PRDM2: variants seen among roughly 807,000 people sequenced by gnomAD.
The protein encoded by PRDM2 is PR/SET domain 2, also known as PR domain zinc finger protein 2.
Under a neutral mutation model 130.0 loss-of-function variants are expected in PRDM2, and 30 were observed. That is an observed-to-expected ratio of 0.23 (90% CI 0.17 to 0.31). The LOEUF (loss-of-function observed/expected upper bound fraction) is 0.31. Among genes scored for constraint, PRDM2 ranks in the 10% least tolerant of loss-of-function variants. PRDM2 has a pLI of 1.00. For synonymous variants in PRDM2, 871 were observed against 782.4 expected (o/e 1.11, Z -1.89); for missense variants, 2,011 against 2,108.4 (o/e 0.95, Z 0.90).
intron 5 of PRDM2, among the ~76,000 whole-genome samples, chr1:13,746,472 C>T (rs1319805051): frequency 5.9e-5 from 9 of 151,646 alleles, no homozygotes; most frequent in South Asian, 2.1e-4. Context: ...TATATCGCTC[C>T]GTAATATAAC....
intron 8 of PRDM2, among the ~76,000 whole-genome samples, chr1:13,797,252 A>G (rs1203636): frequency 0.17 from 25,447 of 152,116 alleles, 2,675 homozygotes; most frequent in Non-Finnish European, 0.22. Context: ...CTAATGGCCA[A>G]TGTTTATGTT....
chr1:13,746,800 G>A lies in PRDM2; in HGVS notation c.385-2561G>A, dbSNP rs1282719453. 3.9e-5 allele frequency among the ~76,000 whole-genome samples: 6 copies of A among 152,206 alleles called. No individual in the cohort carries two copies. In the East Asian group the frequency reaches 5.8e-4, roughly 15 times the overall value. The stretch of plus-strand genomic sequence containing the variant: ...TCAAACTCCTGCGCTCAAGCGATTC[G>A]CCTGCCTTGGCCTCCCAAAGTTCTG... On this transcript the variant is annotated intron_variant, in intron 5 of 9. Transcript: ENST00000311066.
In PRDM2 at chr1:13,741,720, T is replaced by TTGTGTGTGTGTGTGTG. The variant is rs200384633; in HGVS notation, c.232-255_232-240dup. ...GCATGCTGACTATAGCTCTTTAAGT[T>TTGTGTGTGTGTGTGTG]TGTGTGTGTGTGTGTGTGTGTGTGT... On this transcript the variant is annotated intron_variant, in intron 4 of 9. Transcript: ENST00000311066. Among the ~76,000 whole-genome samples, 625 of 112,574 alleles carry TTGTGTGTGTGTGTGTG rather than the reference T, an allele frequency of 5.6e-3. 29 individuals carry two copies. The highest frequency in any genetic ancestry group is 0.017 in the African/African-American group (413 of 24,366). The allele number at this position is 112,574 out of a possible 152,430, so 73.9% of individuals were successfully genotyped here. A position where few individuals can be genotyped will look rare whatever the true frequency, so the allele number is the denominator to read the frequency against.
rs540873142 is a variant in PRDM2, at chr1:13,726,564, G to A, written c.10-4436G>A. Among the ~76,000 whole-genome samples, 6 of 152,338 alleles carry A rather than the reference G, an allele frequency of 3.9e-5. No homozygotes were observed. In the South Asian group the frequency reaches 1.2e-3, roughly 32 times the overall value. On this transcript the variant is annotated intron_variant, in intron 2 of 9. Coordinates refer to ENST00000311066, the MANE Select transcript of PRDM2 (RefSeq NM_001393986.1). ...CTGAATGAAGGAGAGACGCTTTGGC[G>A]ATTAATTGGGGGAAGAGAAGCGGGT...
At chr1:13,787,856 T>C in intron 8 of PRDM2, 1 of 983,512 alleles carries the variant, frequency 1.0e-6, no homozygotes, top group Non-Finnish European at 1.2e-6. Flanking sequence ...AAAGGGGTTG[T>C]CCATTGATTT....
intron 8 of PRDM2, among the ~76,000 whole-genome samples, chr1:13,813,600 C>T (rs1186874475): frequency 1.3e-5 from 2 of 152,212 alleles, no homozygotes; most frequent in Non-Finnish European, 2.9e-5. Flanking sequence ...GTTCTTCCTA[C>T]CTCCTGGGCT....
chr1:13,816,641 G>A (rs1645263394), intron 9 of PRDM2, 71 bp downstream of exon 9: 2 of 1,546,092 alleles, frequency 1.3e-6, no homozygotes, highest in South Asian at 2.3e-5. Flanking sequence ...TGGGTCTTGG[G>A]TGGGGAGGGA....
In PRDM2 at chr1:13,771,449, A is replaced by T. The variant is rs1299282996; in HGVS notation, c.512-1629A>T. Among the ~76,000 whole-genome samples, 1 of 152,240 alleles carries T rather than the reference A, an allele frequency of 6.6e-6. No individual in the cohort carries two copies. The highest frequency in any genetic ancestry group is 3.2e-3 in the Middle Eastern group (1 of 316). ...CTATGGGCTGAAGAATTAGGTATGT[A>T]GGCCGGGCACGGTGGCTCATGCCTG... On this transcript the variant is annotated intron_variant, in intron 6 of 9. Transcript: ENST00000311066. The surrounding 1 kb of genome is among the most constrained non-coding windows in gnomAD (Gnocchi z 4.1).
intron 8 of PRDM2, among the ~76,000 whole-genome samples, chr1:13,801,951 G>A (rs563377067): frequency 1.7e-4 from 26 of 152,302 alleles, no homozygotes; most frequent in Admixed American, 4.6e-4. Context: ...GCAGCCCAGG[G>A]TGGGGCCAGA....
At chr1:13,789,400 C>A (rs1021312450) in intron 8 of PRDM2, among the ~76,000 whole-genome samples, 1 of 152,168 alleles carries the variant, frequency 6.6e-6, no homozygotes. Context: ...GTTGTAGGTG[C>A]TTAGGATACA....
chr1:13,749,837 C>T (rs1427386673), intron 6 of PRDM2, among the ~76,000 whole-genome samples: 1 of 152,114 alleles, frequency 6.6e-6, no homozygotes, highest in African/African-American at 2.4e-5. Context: ...CCGCTGGCAC[C>T]CCAAGCCGCG....
Position 13,816,693 on chromosome 1 carries a change from C to T in PRDM2, c.*23+123C>T, listed in dbSNP as rs531548238. The T allele has an allele frequency of 6.0e-6, 8 of 1,325,796 alleles. No individual in the cohort carries two copies. The East Asian group carries it at 7.5e-5, about 12-fold the overall frequency. The allele number at this position is 1,325,796 out of a possible 1,614,324, so 82.1% of individuals were successfully genotyped here. A position where few individuals can be genotyped will look rare whatever the true frequency, so the allele number is the denominator to read the frequency against. ...GGTGTGATTGCTTGTGTGTACCAGG[C>T]ACGGTGCAGGGCCTCCCTCCAGGAG... On this transcript the variant is annotated intron_variant, in intron 9 of 9. Transcript: ENST00000311066.
chr1:13,791,524 A>G (rs2100706288), intron 8 of PRDM2, among the ~76,000 whole-genome samples: 1 of 152,326 alleles, frequency 6.6e-6, no homozygotes, highest in African/African-American at 2.4e-5. Flanking sequence ...GCTGCTGGGC[A>G]TTAACCCAAA....
chr1:13,700,962 GGTAA>G (rs768396506), intron 1 of PRDM2, among the ~76,000 whole-genome samples: 1 of 152,292 alleles, frequency 6.6e-6, no homozygotes, highest in South Asian at 2.1e-4. Context: ...TTTTGATGGT[GGTAA>G]GTGAGACATG....
chr1:13,774,460 C>T (rs1327976617), intron 7 of PRDM2, among the ~76,000 whole-genome samples: 1 of 152,200 alleles, frequency 6.6e-6, no homozygotes, highest in East Asian at 1.9e-4. Flanking sequence ...ATATAATTTT[C>T]TGTGAAACAA....
chr1:13,778,525 C>T lies in PRDM2; in HGVS notation c.730C>T (p.Pro244Ser). ...EVPPELATPA[P>S]AWEPQPEPDE... ...GCCTCCAGAACTAGCAACCCCTGCC[C>T]CTGCCTGGGAGCCACAGCCAGAACC... The change falls in exon 8 of 10, where the codon CCT (proline) becomes TCT (serine). Residue 244 changes from proline to serine, a missense_variant. Physicochemically the swap from Pro to Ser is moderately conservative, Grantham distance 74 (BLOSUM62 -1). This residue lies in a region of PRDM2 where 1,288 missense variants were observed against 1,237.7 expected (regional missense o/e 1.04). Coordinates refer to ENST00000311066, the MANE Select transcript of PRDM2 (RefSeq NM_001393986.1). 1 of 1,614,096 alleles carries T rather than the reference C, an allele frequency of 6.2e-7. No individual in the cohort carries two copies. Among genetic ancestry groups the T allele is most frequent in the South Asian group, 1.1e-5 (1 of 91,078 alleles).
chr1:13,790,638 G>A (rs922768307), intron 8 of PRDM2, among the ~76,000 whole-genome samples: 8 of 152,208 alleles, frequency 5.3e-5, no homozygotes, highest in African/African-American at 1.4e-4. Context: ...GAATGATGAC[G>A]TGACCGTTAA....
chr1:13,773,148 G>A lies in PRDM2; in HGVS notation c.582G>A (p.Glu194=). ...KIQDIQLKTS[E]PDFTSANMRD... ...AAGACATACAACTGAAGACAAGTGA[G>A]CCAGATTTCACCTCTGCAAATATGA... The change falls in exon 7 of 10, where the codon GAG becomes GAA. Residue 194 remains glutamate (E), a synonymous_variant. Coordinates refer to ENST00000311066, the MANE Select transcript of PRDM2 (RefSeq NM_001393986.1). 9 of 1,575,454 alleles carry A rather than the reference G, an allele frequency of 5.7e-6. No homozygotes were observed. Among genetic ancestry groups the A allele is most frequent in the Non-Finnish European group, 7.7e-6 (9 of 1,165,268 alleles).
chr1:13,754,516 G>A (rs771951096), intron 6 of PRDM2, among the ~76,000 whole-genome samples: 2 of 152,146 alleles, frequency 1.3e-5, no homozygotes, highest in Non-Finnish European at 2.9e-5. Context: ...ACATAATGTG[G>A]AGCTTTTTGT....
Sources: allele counts gnomAD v4.1 joint callset (sites outside exome capture counted in the v4.1 genomes callset), GRCh38; gene constraint gnomAD v4.1.1; regional missense constraint gnomAD v4.1.1; non-coding constraint Gnocchi (gnomAD v3.1); transcripts MANE v1.5; gene names NCBI Gene and HGNC (gene_info 2026-07-23, HGNC 2026-07-21).